The following GALNT13 variants were observed in gnomAD, a reference collection of about 807,000 sequenced individuals.
GALNT13 encodes polypeptide N-acetylgalactosaminyltransferase 13, also known as UDP-GalNAc:polypeptide N-acetylgalactosaminyltransferase 13.
GALNT13 carries 28 observed loss-of-function variants against 64.2 expected under a neutral mutation model. That is an observed-to-expected ratio of 0.44 (90% CI 0.32 to 0.60). The LOEUF is 0.60. GALNT13 is among the 20% of genes least tolerant of loss of function. The probability of loss-of-function intolerance (pLI) is 0.05; values close to 1 mark genes in which losing one functional copy is unlikely to be tolerated. For missense variants in GALNT13, 577 were observed against 669.8 expected (o/e 0.86, Z 1.53); for synonymous variants, 214 against 224.6 (o/e 0.95, Z 0.42).
the GALNT13 span, among the ~76,000 whole-genome samples, chr2:153,236,293 T>C: frequency 6.6e-6 from 1 of 152,106 alleles, no homozygotes; most frequent in African/African-American, 2.4e-5. Flanking sequence ...ATCCAGAAGA[T>C]CTAGCTAAGA....
intron 3 of GALNT13, among the ~76,000 whole-genome samples, chr2:154,029,188 C>CAAA (rs10551254): frequency 2.2e-5 from 3 of 134,314 alleles, no homozygotes; most frequent in Non-Finnish European, 3.2e-5. Flanking sequence ...TTTTGTAAAT[C>CAAA]AAAAAAAAAA....
rs375484057 is a variant in GALNT13, at chr2:154,233,037, CAAAAAAAAAAAAAA to C, written c.312-8986_312-8973del. Among the ~76,000 whole-genome samples the C allele has an allele frequency of 1.4e-4, 8 of 59,046 alleles. No individual in the cohort carries two copies. The South Asian group carries it at 5.6e-3, about 41-fold the overall frequency. The allele number at this position is 59,046 out of a possible 152,430, so 38.7% of individuals were successfully genotyped here. A position where few individuals can be genotyped will look rare whatever the true frequency, so the allele number is the denominator to read the frequency against. On this transcript the variant is annotated intron_variant, in intron 4 of 12. Transcript: ENST00000392825. The stretch of plus-strand genomic sequence containing the variant: ...CATGGGTGACAGAGTGACCCTGTCT[CAAAAAAAAAAAAAA>C]AAAAAAGAAAAAGAAAAGAAAAAAA...
the GALNT13 span, among the ~76,000 whole-genome samples, chr2:153,388,720 C>T: frequency 6.6e-6 from 1 of 152,024 alleles, no homozygotes; most frequent in Admixed American, 6.6e-5. Context: ...CTTGCTAGGC[C>T]ATTGGGTGGG....
the GALNT13 span, among the ~76,000 whole-genome samples, chr2:153,638,427 C>T: frequency 2.3e-5 from 2 of 86,516 alleles, 1 homozygote; most frequent in South Asian, 9.2e-4. Context: ...CCTGGACACC[C>T]GGGATAGTAA....
chr2:153,220,678 CT>C, the GALNT13 span, among the ~76,000 whole-genome samples: 1 of 152,228 alleles, frequency 6.6e-6, no homozygotes, highest in African/African-American at 2.4e-5. Flanking sequence ...GTGTACTTTC[CT>C]TTCTTTCATT....
the GALNT13 span, among the ~76,000 whole-genome samples, chr2:153,320,210 A>G: frequency 6.6e-6 from 1 of 152,130 alleles, no homozygotes; most frequent in African/African-American, 2.4e-5. Context: ...ACGTAGTTGT[A>G]TATATTTTTT....
In GALNT13 at chr2:154,417,521, A is replaced by ATTTATTTTTTTTT. The variant is rs1553529811; in HGVS notation, c.1395+8442_1395+8443insATTTTTTTTTTTT. On this transcript the variant is annotated intron_variant, in intron 11 of 12. Coordinates refer to ENST00000392825, the MANE Select transcript of GALNT13 (RefSeq NM_052917.4). The stretch of plus-strand genomic sequence containing the variant: ...TATTTATTTATTTATTTATTTATTT[A>ATTTATTTTTTTTT]TTTTTTTGAGGCGGAGTCTTGCTCT... 4.8e-4 allele frequency among the ~76,000 whole-genome samples: 67 copies of ATTTATTTTTTTTT among 139,132 alleles called. No individual in the cohort carries two copies. In the East Asian group the frequency reaches 9.2e-3, roughly 19 times the overall value. The allele number at this position is 139,132 out of a possible 152,430, so 91.3% of individuals were successfully genotyped here.
intron 9 of GALNT13, among the ~76,000 whole-genome samples, chr2:154,371,673 G>A (rs1002243885): frequency 6.6e-6 from 1 of 151,478 alleles, no homozygotes; most frequent in Non-Finnish European, 1.5e-5. Context: ...AGGCATTTTC[G>A]TTTTAACCAC....
At chr2:154,407,880 G>T (rs1699624391) in intron 10 of GALNT13, among the ~76,000 whole-genome samples, 1 of 152,154 alleles carries the variant, frequency 6.6e-6, no homozygotes, top group East Asian at 1.9e-4. Context: ...TTGGCCATGA[G>T]GTTCTGCACC....
chr2:153,478,844 C>A, the GALNT13 span: 2 of 400,682 alleles, frequency 5.0e-6, no homozygotes, highest in Non-Finnish European at 4.6e-6. Flanking sequence ...CGGGGCTGGA[C>A]CAGCCCGGCC....
At chr2:154,168,390 T>A in intron 4 of GALNT13, among the ~76,000 whole-genome samples, 1 of 152,152 alleles carries the variant, frequency 6.6e-6, no homozygotes. Context: ...ACCCACATTA[T>A]GGAAAGTAAT....
chr2:153,383,880 G>T, the GALNT13 span, among the ~76,000 whole-genome samples: 19 of 151,960 alleles, frequency 1.3e-4, no homozygotes, highest in African/African-American at 4.3e-4. Flanking sequence ...AAGACTCATG[G>T]GGAAAGAGCT....
chr2:153,358,740 A>G, the GALNT13 span, among the ~76,000 whole-genome samples: 1 of 152,170 alleles, frequency 6.6e-6, no homozygotes, highest in Non-Finnish European at 1.5e-5. Flanking sequence ...TCCATGTGCC[A>G]GTAATCCATA....
the GALNT13 span, among the ~76,000 whole-genome samples, chr2:153,195,074 T>C: frequency 6.6e-6 from 1 of 152,196 alleles, no homozygotes; most frequent in African/African-American, 2.4e-5. Flanking sequence ...ATTTCTTGGC[T>C]GTCAGTAGTG....
At chr2:153,182,651 A>G in the GALNT13 span, among the ~76,000 whole-genome samples, 1 of 152,062 alleles carries the variant, frequency 6.6e-6, no homozygotes, top group African/African-American at 2.4e-5. Flanking sequence ...GCTTCGCACC[A>G]TCTGTCCATG....
chr2:154,368,969 A>G (rs1399182601), intron 9 of GALNT13, among the ~76,000 whole-genome samples: 2 of 148,302 alleles, frequency 1.3e-5, no homozygotes, highest in Non-Finnish European at 3.0e-5. Context: ...ATTGTAAAGT[A>G]TCTAGTGGAG....
chr2:154,361,953 C>A (rs1388174915), intron 9 of GALNT13, among the ~76,000 whole-genome samples: 4 of 152,002 alleles, frequency 2.6e-5, no homozygotes, highest in Non-Finnish European at 5.9e-5. Flanking sequence ...GATAACTGGC[C>A]CTTGACTGCC....
the GALNT13 span, among the ~76,000 whole-genome samples, chr2:153,652,790 T>G: frequency 3.3e-5 from 5 of 152,176 alleles, no homozygotes; most frequent in Non-Finnish European, 7.3e-5. Context: ...TGATGCAGAA[T>G]TTCTGCCTCA....
At chr2:153,920,553 C>T (rs73009822) in intron 2 of GALNT13, among the ~76,000 whole-genome samples, 9,933 of 151,958 alleles carry the variant, frequency 0.065, 493 homozygotes, top group East Asian at 0.13. Flanking sequence ...TAGGAAATAC[C>T]GTGCTGGACC....
Sources: gnomAD v4.1 joint callset for allele counts (sites outside exome capture counted in the v4.1 genomes callset) on GRCh38, gnomAD v4.1.1 for gene constraint, MANE v1.5 for transcripts, NCBI Gene and HGNC (gene_info 2026-07-23, HGNC 2026-07-21) for gene names.